Variants in PRRC2B observed in about 807,000 individuals in gnomAD.
PRRC2B encodes the protein protein PRRC2B.
Under a neutral mutation model 242.3 loss-of-function variants are expected in PRRC2B, and 68 were observed. The ratio of observed to expected loss-of-function variants is 0.28; its 90% CI spans 0.23 to 0.34. PRRC2B has a LOEUF of 0.34. PRRC2B is among the 10% of genes least tolerant of loss of function. PRRC2B has a pLI of 1.00. For synonymous variants in PRRC2B, 1,228 were observed against 1,173.6 expected (o/e 1.05, Z -0.95); for missense variants, 2,835 against 2,954.8 (o/e 0.96, Z 0.94).
At position 131,387,673 on chromosome 9, in the gene PRRC2B, G is replaced by A. The variant is rs563506868; in HGVS notation, c.-56+13942G>A. ...CTCCACTTCCCAAACTTTGGCAAAGGCTGTGAGGAACAGTGGAGAAGGTAA... is the reference window on the plus strand; with the variant it reads ...CTCCACTTCCCAAACTTTGGCAAAGACTGTGAGGAACAGTGGAGAAGGTAA... On this transcript the variant is annotated intron_variant, in intron 1 of 1. Transcript: ENST00000682525. 2.0e-5 allele frequency among the ~76,000 whole-genome samples: 3 copies of A among 149,622 alleles called. No individual in the cohort carries two copies. The Admixed American group carries it at 2.1e-4, about 10-fold the overall frequency.
Position 131,496,181 on chromosome 9 carries a change from C to T in PRRC2B, c.*307C>T, listed in dbSNP as rs1375879340. On this transcript the variant is annotated 3_prime_UTR_variant, in exon 32 of 32. Transcript: ENST00000683519. The stretch of plus-strand genomic sequence containing the variant: ...TGCAGATTTGCCCTCCCTGCCTCCT[C>T]CCTGTCCTGCCGCGCAGCCAGGGCG... 3 of 274,746 alleles carry T rather than the reference C, an allele frequency of 1.1e-5. No individual in the cohort carries two copies. Among genetic ancestry groups the T allele is most frequent in the African/African-American group, 2.2e-5 (1 of 46,186 alleles). The allele number at this position is 274,746 out of a possible 1,614,324, so 17.0% of individuals were successfully genotyped here.
At chr9:131,418,255 A>G (rs1008269635) in intron 1 of PRRC2B, among the ~76,000 whole-genome samples, 2 of 152,250 alleles carry the variant, frequency 1.3e-5, no homozygotes, top group African/African-American at 4.8e-5. Context: ...CAGTAAGTGC[A>G]GGAGGTGACA....
intron 11 of PRRC2B, among the ~76,000 whole-genome samples, chr9:131,463,491 G>A (rs1292899661): frequency 6.6e-6 from 1 of 152,072 alleles, no homozygotes; most frequent in Admixed American, 6.6e-5. Context: ...GGTGACAGCT[G>A]TCCATCATTT....
chr9:131,491,617 G>A (rs763816350), intron 29 of PRRC2B, 37 bp downstream of exon 29: 4 of 1,551,344 alleles, frequency 2.6e-6, no homozygotes, highest in Non-Finnish European at 2.6e-6. Flanking sequence ...CCTAGGGAGG[G>A]GGCCTTGTGT....
chr9:131,426,370 A>G (rs1016797387), intron 1 of PRRC2B, among the ~76,000 whole-genome samples: 1 of 150,008 alleles, frequency 6.7e-6, no homozygotes, highest in Non-Finnish European at 1.5e-5. Flanking sequence ...AGAAAAAGAA[A>G]AAAAGAAGAA....
Position 131,477,818 on chromosome 9 carries a change from A to G in PRRC2B, c.4481A>G (p.Glu1494Gly). The change falls in exon 17 of 32, where the codon GAG becomes GGG. Residue 1494 changes from glutamate to glycine, a missense_variant. Glu to Gly is a moderately conservative substitution (Grantham distance 98). This residue lies in a region of PRRC2B where 1,536 missense variants were observed against 1,483.1 expected (regional missense o/e 1.04). Transcript: ENST00000683519. ...AGTGGCCACTCCCCCTATGCCCTGG[A>G]GCGGGCAGCCCATGCCAGTGCTGAC... ...SGSGHSPYAL[E>G]RAAHASADLP... The G allele has an allele frequency of 6.2e-7, 1 of 1,612,634 alleles. No individual in the cohort carries two copies. Among genetic ancestry groups the G allele is most frequent in the Non-Finnish European group, 8.5e-7 (1 of 1,179,054 alleles).
chr9:131,458,001 C>T (rs1943132463), intron 10 of PRRC2B, among the ~76,000 whole-genome samples: 1 of 152,090 alleles, frequency 6.6e-6, no homozygotes, highest in South Asian at 2.1e-4. Context: ...TATTACCGGG[C>T]CCTTGCAAAT....
At position 131,444,222 on chromosome 9, in the gene PRRC2B, C is replaced by T; in HGVS notation, c.507C>T (p.Pro169=). 2 of 1,613,990 alleles carry T rather than the reference C, an allele frequency of 1.2e-6. No homozygotes were observed. The highest frequency in any genetic ancestry group is 1.7e-6 in the Non-Finnish European group (2 of 1,179,886). ...RGSSRLLSFS[P]EEFPTLKAAG... is the part of the protein sequence containing the mutation. ...CAAGCCGACTGTTATCCTTCTCTCC[C>T]GAGGAATTTCCGACGCTGAAAGCAG... Residue 169 remains proline (P), a synonymous_variant, in exon 6 of 32, where the codon CCC becomes CCT. Coordinates refer to ENST00000683519, the MANE Select transcript of PRRC2B (RefSeq NM_013318.4).
chr9:131,415,967 C>T (rs1837637330), intron 1 of PRRC2B, among the ~76,000 whole-genome samples: 1 of 152,064 alleles, frequency 6.6e-6, no homozygotes, highest in African/African-American at 2.4e-5. Context: ...CACCCCACCC[C>T]CATGTTTCTG....
chr9:131,405,010 C>T (rs926695863), intron 1 of PRRC2B, among the ~76,000 whole-genome samples: 1 of 152,194 alleles, frequency 6.6e-6, no homozygotes, highest in African/African-American at 2.4e-5. Context: ...TTTGTATCAG[C>T]TTATATGTGT....
In PRRC2B at chr9:131,464,429, C is replaced by T. The variant is rs557890752; in HGVS notation, c.1405-334C>T. ...GCCTTGGAGGCCCTTAGCTTGCATGCCCATCAGCAGTGGTGGGAGTGTTTG... is the reference window on the plus strand; with the variant it reads ...GCCTTGGAGGCCCTTAGCTTGCATGTCCATCAGCAGTGGTGGGAGTGTTTG... On this transcript the variant is annotated intron_variant, in intron 11 of 31. Coordinates refer to ENST00000683519, the MANE Select transcript of PRRC2B (RefSeq NM_013318.4). 3.3e-5 allele frequency among the ~76,000 whole-genome samples: 5 copies of T among 152,286 alleles called. No homozygotes were observed. The East Asian group carries it at 9.6e-4, about 29-fold the overall frequency.
rs1343576395 is a variant in PRRC2B, at chr9:131,475,141, G to C, written c.3012G>C (p.Glu1004Asp). The C allele has an allele frequency of 6.2e-7, 1 of 1,612,934 alleles. No homozygotes were observed. Among genetic ancestry groups the C allele is most frequent in the African/African-American group, 1.3e-5 (1 of 75,042 alleles). The change falls in exon 16 of 32, where the codon GAG becomes GAC. Residue 1004 changes from glutamate (E) to aspartate (D), a missense_variant. Transcript: ENST00000683519. ...CCAACTCCTCCACCACCACTTTGGA[G>C]GACAAAGGCCCTGGCCATGCCACTT... ...SLANSSTTTL[E>D]DKGPGHATFG...
At chr9:131,413,782 C>T (rs769322366) in intron 1 of PRRC2B, among the ~76,000 whole-genome samples, 26 of 152,204 alleles carry the variant, frequency 1.7e-4, no homozygotes, top group South Asian at 6.2e-4. Context: ...AGCGATTCTT[C>T]GGCCTCAGCC....
chr9:131,437,724 A>G (rs1588250714), intron 4 of PRRC2B, among the ~76,000 whole-genome samples: 1 of 152,236 alleles, frequency 6.6e-6, no homozygotes, highest in East Asian at 1.9e-4. Context: ...AAAGACAAGA[A>G]AAGAGGTCTA....
chr9:131,433,582 G>T (rs1838248855), intron 3 of PRRC2B, among the ~76,000 whole-genome samples: 1 of 152,246 alleles, frequency 6.6e-6, no homozygotes, highest in Admixed American at 6.5e-5. Flanking sequence ...GGGAGGGACA[G>T]GGCCTTGCTG....
At chr9:131,397,397 C>T (rs563015539) in intron 1 of PRRC2B, among the ~76,000 whole-genome samples, 1 of 152,296 alleles carries the variant, frequency 6.6e-6, no homozygotes, top group East Asian at 1.9e-4. Flanking sequence ...AGTGGAATTT[C>T]AGGAATGGCA....
chr9:131,415,143 G>A (rs534156607), intron 1 of PRRC2B, among the ~76,000 whole-genome samples: 1 of 151,886 alleles, frequency 6.6e-6, no homozygotes, highest in Non-Finnish European at 1.5e-5. Flanking sequence ...ACAGGTGTGC[G>A]CCATCACGCC....
At chr9:131,390,718 G>A (rs554677029), upstream of PRRC2B, among the ~76,000 whole-genome samples, 1 of 148,906 alleles carries the variant, frequency 6.7e-6, no homozygotes, top group East Asian at 2.0e-4. Context: ...TCTTGACCTC[G>A]TGACCCACCT....
chr9:131,380,911 A>G (rs533244347), intron 1 of PRRC2B, among the ~76,000 whole-genome samples: 9 of 148,558 alleles, frequency 6.1e-5, no homozygotes, highest in African/African-American at 1.2e-4. Flanking sequence ...AGTGATTTGT[A>G]TATTCTGGGT....
Sources: gnomAD v4.1 joint callset for allele counts (sites outside exome capture counted in the v4.1 genomes callset) on GRCh38, gnomAD v4.1.1 for gene constraint, gnomAD v4.1.1 regional missense constraint, MANE v1.5 for transcripts, NCBI Gene and HGNC (gene_info 2026-07-23, HGNC 2026-07-21) for gene names.